The following PVALB variants were observed in gnomAD, a reference collection of about 807,000 sequenced individuals.
PVALB encodes the protein parvalbumin alpha.
A neutral mutation model predicts 10.9 loss-of-function variants in PVALB; 11 were observed. The ratio of observed to expected loss-of-function variants is 1.01; its 90% CI spans 0.63 to 1.67. The LOEUF (loss-of-function observed/expected upper bound fraction) is 1.67. Among genes scored for constraint, PVALB ranks in the 40% most tolerant of loss-of-function variants. PVALB has a pLI of 0.00. For missense variants in PVALB, 131 were observed against 136.2 expected (o/e 0.96, Z 0.19); for synonymous variants, 57 against 50.7 (o/e 1.12, Z -0.53).
chr22:36,815,315 T>A, intron 1 of PVALB, 80 bp from the exon 2 acceptor site: 1 of 1,558,498 alleles, frequency 6.4e-7, no homozygotes, highest in Non-Finnish European at 8.8e-7. Flanking sequence ...CATCAAGGCA[T>A]TTGTTGATGG....
chr22:36,819,032 C>A (rs1156834963), upstream of PVALB, among the ~76,000 whole-genome samples: 1 of 152,298 alleles, frequency 6.6e-6, no homozygotes, highest in South Asian at 2.1e-4. Context: ...AACTTGACAC[C>A]CCCTCCGGGA....
At position 36,802,658 on chromosome 22, in the gene PVALB, G is replaced by T. The variant is rs1363522920; in HGVS notation, c.305-1740C>A. On this transcript the variant is annotated intron_variant, in intron 3 of 3. Coordinates refer to ENST00000417718, the MANE Select transcript of PVALB (RefSeq NM_001315532.2). ...AACAACCTGGCACTGGCCCTGGCTA[G>T]ATGAAGGGACACGTACCTGGGTGCC... Among the ~76,000 whole-genome samples, 4 of 149,938 alleles carry T rather than the reference G, an allele frequency of 2.7e-5. No individual in the cohort carries two copies. In the East Asian group the frequency reaches 7.8e-4, roughly 29 times the overall value.
upstream of PVALB, chr22:36,817,144 C>G (rs997983691): frequency 4.1e-6 from 3 of 723,058 alleles, no homozygotes; most frequent in African/African-American, 1.9e-5. Flanking sequence ...GCCAGGGGCC[C>G]GGACTCTGAG....
chr22:36,803,087 A>G (rs1938894321), intron 3 of PVALB, among the ~76,000 whole-genome samples: 1 of 152,176 alleles, frequency 6.6e-6, no homozygotes, highest in South Asian at 2.1e-4. Flanking sequence ...TTTTGCATAT[A>G]TTATCTCATT....
intron 1 of PVALB, chr22:36,815,534 A>G: frequency 2.7e-6 from 1 of 368,600 alleles, no homozygotes; most frequent in East Asian, 5.4e-5. Context: ...GCACCTAAGA[A>G]CCAAAGGCTT....
chr22:36,807,814 G>A (rs557828288), intron 3 of PVALB, among the ~76,000 whole-genome samples: 3 of 152,278 alleles, frequency 2.0e-5, no homozygotes, highest in East Asian at 1.9e-4. Context: ...CGCCTCTCAC[G>A]CCTCTCACGG....
chr22:36,812,380 C>T (rs1939059902), intron 3 of PVALB, among the ~76,000 whole-genome samples: 1 of 152,160 alleles, frequency 6.6e-6, no homozygotes, highest in South Asian at 2.1e-4. Flanking sequence ...TTTACATCCA[C>T]TTATATGTTG....
intron 3 of PVALB, among the ~76,000 whole-genome samples, chr22:36,809,032 C>T (rs140522680): frequency 2.0e-5 from 3 of 152,152 alleles, no homozygotes; most frequent in African/African-American, 4.8e-5. Context: ...CTTCCTACCC[C>T]CTCCCTTCAA....
chr22:36,814,576 C>A (rs1177123366), intron 2 of PVALB, among the ~76,000 whole-genome samples: 1 of 152,084 alleles, frequency 6.6e-6, no homozygotes, highest in Admixed American at 6.5e-5. Context: ...TGGAGGCATG[C>A]ATTTTCCTAG....
At chr22:36,801,020 T>G in intron 3 of PVALB, 102 bp from the exon 4 acceptor site, 2 of 1,136,902 alleles carry the variant, frequency 1.8e-6, no homozygotes, top group Non-Finnish European at 2.6e-6. Context: ...CTCTGGGTTC[T>G]TGCTTCTGCT....
intron 3 of PVALB, among the ~76,000 whole-genome samples, chr22:36,811,748 G>A (rs750948310): frequency 6.6e-6 from 1 of 152,180 alleles, no homozygotes; most frequent in South Asian, 2.1e-4. Context: ...TCAGATGGGA[G>A]CCAGGCCTTG....
chr22:36,808,801 C>A (rs1939002763), intron 3 of PVALB, among the ~76,000 whole-genome samples: 1 of 152,178 alleles, frequency 6.6e-6, no homozygotes, highest in African/African-American at 2.4e-5. Flanking sequence ...CTGGGCTTTG[C>A]AACTGCAGGT....
intron 1 of PVALB, among the ~76,000 whole-genome samples, chr22:36,816,045 T>TGTGTGTG (rs1555911588): frequency 7.8e-4 from 105 of 134,264 alleles, no homozygotes; most frequent in African/African-American, 3.5e-3. Context: ...ATCATGTATT[T>TGTGTGTG]TGTGTGTGTG....
upstream of PVALB, among the ~76,000 whole-genome samples, chr22:36,817,846 T>C (rs987373977): frequency 2.6e-5 from 4 of 152,144 alleles, no homozygotes; most frequent in Admixed American, 2.0e-4. Flanking sequence ...TAAACCTTTT[T>C]TGGGCAGAGT....
At chr22:36,811,870 C>T (rs1939051329) in intron 3 of PVALB, among the ~76,000 whole-genome samples, 1 of 152,118 alleles carries the variant, frequency 6.6e-6, no homozygotes, top group African/African-American at 2.4e-5. Flanking sequence ...CCAATACCCT[C>T]TGCTCCACTC....
intron 1 of PVALB, 116 bp from the exon 2 acceptor site, chr22:36,815,351 T>A: frequency 7.2e-7 from 1 of 1,395,210 alleles, no homozygotes; most frequent in South Asian, 1.3e-5. Context: ...TCATGGGGAA[T>A]GAGAGGTACC....
Position 36,816,953 on chromosome 22 carries a change from G to C in PVALB, c.53C>G (p.Ala18Gly). ...GGAGCGCGCTTGCTCACCGCTAAAG[G>C]CTCCCACCGCCTTCTTGATGTCCTC... ...NAEDIKKAVGAFSATDSFDHK... is the reference protein window; with the variant it reads ...NAEDIKKAVGGFSATDSFDHK... Residue 18 changes from alanine (A) to glycine (G), a missense_variant, in exon 1 of 4, where the codon GCC becomes GGC. By Grantham distance (60) the Ala-to-Gly change is moderately conservative. Transcript: ENST00000417718. 1 of 1,607,748 alleles carries C rather than the reference G, an allele frequency of 6.2e-7. No homozygotes were observed. The highest frequency in any genetic ancestry group is 8.5e-7 in the Non-Finnish European group (1 of 1,178,520).
intron 3 of PVALB, among the ~76,000 whole-genome samples, chr22:36,804,803 G>A (rs180986298): frequency 4.5e-4 from 69 of 152,166 alleles, no homozygotes; most frequent in African/African-American, 1.6e-3. Context: ...GAGTGGTGGC[G>A]CGCGCCTGTA....
At chr22:36,813,625 C>A (rs549006679) in intron 3 of PVALB, 21 bp downstream of exon 3, 1 of 1,577,936 alleles carries the variant, frequency 6.3e-7, no homozygotes, top group East Asian at 2.2e-5. Flanking sequence ...TATGCCCAGA[C>A]CCCAGGTCAC....
Sources: gnomAD v4.1 joint callset for allele counts (sites outside exome capture counted in the v4.1 genomes callset) on GRCh38, gnomAD v4.1.1 for gene constraint, MANE v1.5 for transcripts, NCBI Gene and HGNC (gene_info 2026-07-23, HGNC 2026-07-21) for gene names.